PDE7B: variants seen among roughly 807,000 people sequenced by gnomAD.
The protein encoded by PDE7B is phosphodiesterase 7B.
Under a neutral mutation model 56.2 loss-of-function variants are expected in PDE7B, and 29 were observed. The ratio of observed to expected loss-of-function variants is 0.52; its 90% CI spans 0.38 to 0.70. The LOEUF (loss-of-function observed/expected upper bound fraction) is 0.70, where lower values mean the gene tolerates loss of function less well. PDE7B is among the 30% of genes least tolerant of loss of function. The pLI is 0.00. For synonymous variants in PDE7B, 197 were observed against 196.9 expected, an observed-to-expected ratio of 1.00 and a Z score of 0.00; for missense variants, 490 against 565.0, an observed-to-expected ratio of 0.87 and a Z score of 1.35.
chr6:135,961,762 C>T (rs766503456), intron 2 of PDE7B, among the ~76,000 whole-genome samples: 13 of 152,066 alleles, frequency 8.5e-5, no homozygotes, highest in Non-Finnish European at 1.8e-4. Context: ...TTTCTGTCGA[C>T]CTAATTAATT....
intron 2 of PDE7B, among the ~76,000 whole-genome samples, chr6:135,968,188 G>GA (rs1775031932): frequency 6.6e-6 from 1 of 152,028 alleles, no homozygotes; most frequent in African/African-American, 2.4e-5. Flanking sequence ...ATGTAAAACT[G>GA]AAAATGATAA....
At position 136,179,069 on chromosome 6, in the gene PDE7B, C is replaced by G. The variant is rs200464806; in HGVS notation, c.876C>G (p.Thr292=). 1.3e-4 allele frequency: 206 copies of G among 1,613,888 alleles called. 5 individuals carry two copies. The Middle Eastern group carries it at 2.0e-3, about 16-fold the overall frequency. The change falls in exon 10 of 13, where the codon ACC becomes ACG. Residue 292 remains threonine, a synonymous_variant. Coordinates refer to ENST00000308191, the MANE Select transcript of PDE7B (RefSeq NM_018945.4). ...TCAACAGGCAGAATGAATTTTTGAC[C>G]AGATTGAAAGCTCACCTCCACAATA... ...TDINRQNEFL[T]RLKAHLHNKD... is the part of the protein sequence containing the mutation.
intron 3 of PDE7B, among the ~76,000 whole-genome samples, chr6:136,119,728 A>G (rs1273488403): frequency 6.6e-6 from 1 of 152,356 alleles, no homozygotes; most frequent in Non-Finnish European, 1.5e-5. Context: ...AACAAAAACA[A>G]AAAACAGGCC....
At chr6:135,899,868 G>A (rs1485181865) in intron 1 of PDE7B, among the ~76,000 whole-genome samples, 6 of 151,914 alleles carry the variant, frequency 3.9e-5, no homozygotes, top group African/African-American at 1.2e-4. Context: ...TGCCATGGAC[G>A]GCAACTGTCT....
chr6:136,161,845 C>T (rs1330171882), intron 8 of PDE7B, among the ~76,000 whole-genome samples: 3 of 152,168 alleles, frequency 2.0e-5, no homozygotes, highest in African/African-American at 4.8e-5. Flanking sequence ...GTGCCCCATA[C>T]CATGGCACAA....
intron 3 of PDE7B, among the ~76,000 whole-genome samples, chr6:136,135,304 T>C (rs1338429652): frequency 3.9e-5 from 6 of 152,138 alleles, no homozygotes; most frequent in Non-Finnish European, 7.4e-5. Flanking sequence ...CTTACTTTTT[T>C]CCTCTTTTTG....
At chr6:135,954,466 C>T (rs192084225) in intron 2 of PDE7B, among the ~76,000 whole-genome samples, 2 of 152,286 alleles carry the variant, frequency 1.3e-5, no homozygotes, top group African/African-American at 4.8e-5. Context: ...CCCAAGCACA[C>T]TACTCCAGGT....
At chr6:136,017,390 G>A (rs962037201) in intron 2 of PDE7B, among the ~76,000 whole-genome samples, 2 of 151,914 alleles carry the variant, frequency 1.3e-5, no homozygotes, top group East Asian at 1.9e-4. Flanking sequence ...TGTGCACAAC[G>A]TGCAGGTTTG....
chr6:136,119,555 A>G (rs1025826700), intron 3 of PDE7B, among the ~76,000 whole-genome samples: 100 of 152,312 alleles, frequency 6.6e-4, no homozygotes, highest in African/African-American at 2.2e-3. Context: ...TGTTTCTCAA[A>G]AGCTATGTAA....
chr6:135,957,628 G>T (rs1205568455), intron 2 of PDE7B, among the ~76,000 whole-genome samples: 1 of 152,080 alleles, frequency 6.6e-6, no homozygotes. Flanking sequence ...CAGTGAGCCT[G>T]CACATTCCGG....
At chr6:135,983,745 T>C (rs747795605) in intron 2 of PDE7B, among the ~76,000 whole-genome samples, 1 of 152,232 alleles carries the variant, frequency 6.6e-6, no homozygotes, top group East Asian at 1.9e-4. Flanking sequence ...GAAGGATTCA[T>C]TGATTTCTGA....
intron 2 of PDE7B, among the ~76,000 whole-genome samples, chr6:135,958,168 G>C (rs1036267435): frequency 2.6e-5 from 4 of 152,098 alleles, no homozygotes; most frequent in Non-Finnish European, 5.9e-5. Flanking sequence ...GGAGACAGAG[G>C]TTGCAGTGAG....
At chr6:136,008,749 A>G (rs979158958) in intron 2 of PDE7B, among the ~76,000 whole-genome samples, 2 of 152,024 alleles carry the variant, frequency 1.3e-5, no homozygotes, top group African/African-American at 4.8e-5. Context: ...TTGTCAGATG[A>G]GTAGATTGCA....
Position 136,056,512 on chromosome 6 carries a change from C to CTTTTTTCCTT in PDE7B, c.83-52213_83-52212insCCTTTTTTTT, listed in dbSNP as rs1776734639. 3.7e-5 allele frequency among the ~76,000 whole-genome samples: 2 copies of CTTTTTTCCTT among 53,904 alleles called. 1 individual carries two copies. The highest frequency in any genetic ancestry group is 9.5e-4 in the East Asian group (2 of 2,104). 35.4% of individuals were successfully genotyped at this position (53,904 alleles called of 152,430 possible). ...TCTGAGCTCCTTTGCAGATAGAATCCTTTTTTTTTTTTTTTTTTTTTTTTT... is the reference window on the plus strand; with the variant it reads ...TCTGAGCTCCTTTGCAGATAGAATCCTTTTTTCCTTTTTTTTTTTTTTTTTTTTTTTTTTT... On this transcript the variant is annotated intron_variant, in intron 2 of 12. Transcript: ENST00000308191.
chr6:136,065,674 G>A (rs536589158), intron 2 of PDE7B, among the ~76,000 whole-genome samples: 4 of 152,166 alleles, frequency 2.6e-5, no homozygotes, highest in South Asian at 4.1e-4. Flanking sequence ...GTATACAACC[G>A]TATATCAATT....
chr6:135,867,187 C>T (rs1415844631), intron 1 of PDE7B, among the ~76,000 whole-genome samples: 1 of 152,088 alleles, frequency 6.6e-6, no homozygotes, highest in Non-Finnish European at 1.5e-5. Context: ...AAATAGTAAA[C>T]AGTTTTAAAA....
intron 2 of PDE7B, among the ~76,000 whole-genome samples, chr6:136,002,176 G>T (rs779544639): frequency 6.6e-6 from 1 of 152,106 alleles, no homozygotes; most frequent in Non-Finnish European, 1.5e-5. Flanking sequence ...CACCAGGCCT[G>T]GCCTAAAAGA....
chr6:135,915,198 A>G (rs1776280614), intron 1 of PDE7B, among the ~76,000 whole-genome samples: 1 of 152,132 alleles, frequency 6.6e-6, no homozygotes, highest in African/African-American at 2.4e-5. Context: ...CCTATTCCCC[A>G]GTTGACGGAC....
Position 136,038,384 on chromosome 6 carries a change from C to A in PDE7B, c.83-70347C>A, listed in dbSNP as rs984704951. ...GCTGCCCTCCTCCCCGGGAAGCCGGCCGGGGTGCCAGCAGGGGCCGCTGCC... is the reference window on the plus strand; with the variant it reads ...GCTGCCCTCCTCCCCGGGAAGCCGGACGGGGTGCCAGCAGGGGCCGCTGCC... On this transcript the variant is annotated intron_variant, in intron 2 of 12. Transcript: ENST00000308191. The A allele has an allele frequency of 3.1e-6, 4 of 1,291,514 alleles. No homozygotes were observed. The African/African-American group carries it at 6.1e-5, about 20-fold the overall frequency. 80.0% of individuals were successfully genotyped at this position (1,291,514 alleles called of 1,614,324 possible).
Sources: gnomAD v4.1 joint callset for allele counts (sites outside exome capture counted in the v4.1 genomes callset) on GRCh38, gnomAD v4.1.1 for gene constraint, MANE v1.5 for transcripts, NCBI Gene and HGNC (gene_info 2026-07-23, HGNC 2026-07-21) for gene names.